The following SH3BP4 variants were observed in gnomAD, a reference collection of about 807,000 sequenced individuals.
The protein encoded by SH3BP4 is SH3 domain-binding protein 4.
In SH3BP4, 33 loss-of-function variants were observed where a neutral mutation model predicts 65.5. The observed-to-expected ratio is 0.50, with a 90% CI of 0.38 to 0.67. The LOEUF is 0.67. Ranked by LOEUF, SH3BP4 falls within the 30% of genes least tolerant of loss-of-function variation. SH3BP4 has a pLI of 0.00. For synonymous variants in SH3BP4, 552 were observed against 545.5 expected (o/e 1.01, Z -0.17); for missense variants, 1,134 against 1,261.4 (o/e 0.90, Z 1.53).
At chr2:234,958,428 G>A (rs910407727) in intron 1 of SH3BP4, among the ~76,000 whole-genome samples, 5 of 152,060 alleles carry the variant, frequency 3.3e-5, no homozygotes, top group African/African-American at 1.2e-4. Flanking sequence ...TCGCCCTGGG[G>A]GGGTGTCTGG....
chr2:235,007,539 A>T (rs913945819), intron 2 of SH3BP4, among the ~76,000 whole-genome samples: 1 of 152,194 alleles, frequency 6.6e-6, no homozygotes, highest in African/African-American at 2.4e-5. Flanking sequence ...CCACACAAAG[A>T]TGGATCCGGC....
chr2:234,992,163 G>A (rs1027217387), intron 1 of SH3BP4, among the ~76,000 whole-genome samples: 1 of 152,248 alleles, frequency 6.6e-6, no homozygotes, highest in African/African-American at 2.4e-5. Context: ...TCTTTAAATA[G>A]AGAAAGGAGC....
At chr2:234,999,291 A>C (rs1246750153) in intron 2 of SH3BP4, among the ~76,000 whole-genome samples, 1 of 152,210 alleles carries the variant, frequency 6.6e-6, no homozygotes, top group East Asian at 1.9e-4. Context: ...AGGGATTTTT[A>C]ACATACTTGA....
chr2:234,954,707 G>A (rs79098408), intron 1 of SH3BP4, among the ~76,000 whole-genome samples: 3,215 of 152,300 alleles, frequency 0.021, 57 homozygotes, highest in Non-Finnish European at 0.028. Flanking sequence ...TATGCGAATG[G>A]TGAATGTGGT....
At chr2:235,001,338 GC>G (rs1694091139) in intron 2 of SH3BP4, among the ~76,000 whole-genome samples, 1 of 152,154 alleles carries the variant, frequency 6.6e-6, no homozygotes, top group African/African-American at 2.4e-5. Flanking sequence ...TAGAGGATTT[GC>G]ACCCTCAAAA....
rs1373481693 is a variant in SH3BP4, at chr2:234,977,632, A to T, written c.-206-17671A>T. Among the ~76,000 whole-genome samples, 1 of 152,074 alleles carries T rather than the reference A, an allele frequency of 6.6e-6. No individual in the cohort carries two copies. Among genetic ancestry groups the T allele is most frequent in the Non-Finnish European group, 1.5e-5 (1 of 68,008 alleles). ...CCATTAGCGACTTAGGGGTGAGTGGATGGAAAACAGGATGAGAGTGTCTCT... is the reference window on the plus strand; with the variant it reads ...CCATTAGCGACTTAGGGGTGAGTGGTTGGAAAACAGGATGAGAGTGTCTCT... On this transcript the variant is annotated intron_variant, in intron 1 of 5. Coordinates refer to ENST00000392011, the MANE Select transcript of SH3BP4 (RefSeq NM_014521.3). The surrounding 1 kb of genome is among the most constrained non-coding windows in gnomAD (Gnocchi z 5.1).
At chr2:235,038,265 T>G (rs58043620) in intron 3 of SH3BP4, among the ~76,000 whole-genome samples, 9,284 of 39,002 alleles carry the variant, frequency 0.24, 1,458 homozygotes, top group East Asian at 0.62. Context: ...ATAATATATA[T>G]TATATATAAT....
intron 1 of SH3BP4, among the ~76,000 whole-genome samples, chr2:234,959,283 C>T (rs1442147573): frequency 4.6e-5 from 7 of 152,136 alleles, no homozygotes; most frequent in Non-Finnish European, 7.4e-5. Context: ...CTAGGCAGGG[C>T]GCTGCTTGGG....
chr2:234,972,387 C>T (rs1693028146), intron 1 of SH3BP4, among the ~76,000 whole-genome samples: 1 of 152,076 alleles, frequency 6.6e-6, no homozygotes, highest in Non-Finnish European at 1.5e-5. Context: ...CCTGCCTAGG[C>T]TTCCCAAAGT....
intron 2 of SH3BP4, among the ~76,000 whole-genome samples, chr2:235,024,150 A>G (rs191293719): frequency 6.6e-6 from 1 of 152,340 alleles, no homozygotes; most frequent in East Asian, 1.9e-4. Context: ...CTCATTGCTT[A>G]GAGGCCAGAT....
chr2:235,026,899 A>G lies in SH3BP4; in HGVS notation c.-132-7972A>G, dbSNP rs1250839434. ...GATGGGCCTTGCTGTTTTCTCCCCCAGGAAGAGGCAGCCCGCCCGAGCCCC... is the reference window on the plus strand; with the variant it reads ...GATGGGCCTTGCTGTTTTCTCCCCCGGGAAGAGGCAGCCCGCCCGAGCCCC... On this transcript the variant is annotated intron_variant, in intron 2 of 5. Transcript: ENST00000392011. The surrounding 1 kb of genome is among the most constrained non-coding windows in gnomAD (Gnocchi z 4.6). 6.6e-6 allele frequency among the ~76,000 whole-genome samples: 1 copy of G among 152,118 alleles called. No individual in the cohort carries two copies.
Position 235,038,270 on chromosome 2 carries a change from TATAATATATATTATATATA to T in SH3BP4, c.119-2614_119-2596del, listed in dbSNP as rs1441404369. ...TATATTATATATAATATATATTATA[TATAATATATATTATATATA>T]ATATATATATTATATATATATATTA... On this transcript the variant is annotated intron_variant, in intron 3 of 5. Transcript: ENST00000392011. Among the ~76,000 whole-genome samples the T allele has an allele frequency of 1.1e-3, 24 of 21,372 alleles. 1 individual carries two copies. The African/African-American group carries it at 0.012, about 10-fold the overall frequency. The allele number at this position is 21,372 out of a possible 152,430, so 14.0% of individuals were successfully genotyped here.
chr2:235,010,229 G>T (rs1694435012), intron 2 of SH3BP4, among the ~76,000 whole-genome samples: 1 of 152,136 alleles, frequency 6.6e-6, no homozygotes, highest in Non-Finnish European at 1.5e-5. Flanking sequence ...GAAATGATGG[G>T]TGTTTCTGTG....
chr2:235,041,924 G>A lies in SH3BP4; in HGVS notation c.1155G>A (p.Leu385=). The A allele has an allele frequency of 1.2e-6, 2 of 1,613,646 alleles. No individual in the cohort carries two copies. Among genetic ancestry groups the A allele is most frequent in the East Asian group, 2.2e-5 (1 of 44,852 alleles). ...TGCTGGAGGTCAAGCTGAGCAACCT[G>A]GAGGTGAAAACCTCTATCATCTTGG... ...SPVLEVKLSN[L]EVKTSIILEM... is the part of the protein sequence containing the mutation. Residue 385 remains leucine (L), a synonymous_variant, in exon 4 of 6, where the codon CTG becomes CTA. Transcript: ENST00000392011. This position sits in a 1 kb window ranked among gnomAD's most constrained non-coding sequence, Gnocchi z 6.0.
chr2:235,019,485 A>G (rs867662024), intron 2 of SH3BP4, among the ~76,000 whole-genome samples: 14 of 141,192 alleles, frequency 9.9e-5, no homozygotes, highest in Non-Finnish European at 1.8e-4. Flanking sequence ...TGCCCAGGCT[A>G]GAGTGCAATG....
chr2:234,980,439 A>C (rs1477340831), intron 1 of SH3BP4, among the ~76,000 whole-genome samples: 4 of 152,204 alleles, frequency 2.6e-5, no homozygotes, highest in Non-Finnish European at 5.9e-5. Context: ...ACAGTTGGCC[A>C]GGGGTAACTG....
chr2:235,042,169 G>A lies in SH3BP4; in HGVS notation c.1400G>A (p.Trp467Ter). 1.9e-6 allele frequency: 3 copies of A among 1,614,032 alleles called. No individual in the cohort carries two copies. The highest frequency in any genetic ancestry group is 2.5e-6 in the Non-Finnish European group (3 of 1,180,038). Residue 467 changes from tryptophan to a stop codon, truncating the protein, a stop_gained, in exon 4 of 6, where the codon TGG becomes TAG. Coordinates refer to ENST00000392011, the MANE Select transcript of SH3BP4 (RefSeq NM_014521.3). LOFTEE classifies it high-confidence loss of function. The surrounding 1 kb of genome is among the most constrained non-coding windows in gnomAD (Gnocchi z 7.3). ...GPSILYPSTV[W>*]DFINKKVTVG... ...AGCATCCTCTACCCTTCCACCGTGT[G>A]GGACTTCATCAATAAAAAAGTCACA...
Position 235,041,681 on chromosome 2 carries a change from C to T in SH3BP4, c.912C>T (p.Gly304=). 1 of 1,613,266 alleles carries T rather than the reference C, an allele frequency of 6.2e-7. No homozygotes were observed. Among genetic ancestry groups the T allele is most frequent in the Non-Finnish European group, 8.5e-7 (1 of 1,179,592 alleles). The change falls in exon 4 of 6, where the codon GGC becomes GGT. Residue 304 remains glycine, a synonymous_variant. Transcript: ENST00000392011. The surrounding 1 kb of genome is among the most constrained non-coding windows in gnomAD (Gnocchi z 6.0). ...CTTGCCACGACCTGGACTTGCTTGG[C>T]CAAAGCCCTGGTTGGGGCCAGACCC... The part of the protein sequence containing the change: ...ARSCHDLDLL[G]QSPGWGQTQA...
intron 3 of SH3BP4, among the ~76,000 whole-genome samples, chr2:235,037,623 G>T (rs1695427960): frequency 1.3e-5 from 2 of 152,180 alleles, no homozygotes; most frequent in South Asian, 4.1e-4. Context: ...CATAACCTTT[G>T]AGGGATTCTA....
Sources: allele counts gnomAD v4.1 joint callset (sites outside exome capture counted in the v4.1 genomes callset), GRCh38; gene constraint gnomAD v4.1.1; non-coding constraint Gnocchi (gnomAD v3.1); transcripts MANE v1.5; gene names NCBI Gene and HGNC (gene_info 2026-07-23, HGNC 2026-07-21).